The following DIAPH3 variants were observed in gnomAD, a reference collection of about 807,000 sequenced individuals.
DIAPH3 encodes protein diaphanous homolog 3.
A neutral mutation model predicts 144.3 loss-of-function variants in DIAPH3; 117 were observed. The ratio of observed to expected loss-of-function variants is 0.81; its 90% confidence interval spans 0.70 to 0.95. The LOEUF (loss-of-function observed/expected upper bound fraction) is 0.95. DIAPH3 is among the 40% of genes least tolerant of loss of function. The pLI, the probability that DIAPH3 is intolerant of heterozygous loss-of-function variation, is 0.00. For missense variants in DIAPH3, 1,421 were observed against 1,412.7 expected (o/e 1.01, Z -0.09); for synonymous variants, 519 against 488.9 (o/e 1.06, Z -0.81).
At chr13:60,088,041 T>G (rs763259378) in intron 4 of DIAPH3, among the ~76,000 whole-genome samples, 19 of 152,072 alleles carry the variant, frequency 1.2e-4, no homozygotes, top group Non-Finnish European at 2.6e-4. Context: ...GCATTTTATC[T>G]AAACCTAATG....
intron 22 of DIAPH3, among the ~76,000 whole-genome samples, chr13:59,859,205 CTA>C (rs879364034): frequency 4.6e-5 from 7 of 152,062 alleles, no homozygotes; most frequent in African/African-American, 1.4e-4. Context: ...GATGGCTTTT[CTA>C]TGTTAAAGAT....
intron 15 of DIAPH3, among the ~76,000 whole-genome samples, chr13:59,972,504 C>T (rs1178096075): frequency 6.6e-6 from 1 of 151,734 alleles, no homozygotes; most frequent in East Asian, 1.9e-4. Context: ...AAAAATAGAC[C>T]ATGTATAAAA....
rs2032545629 is a variant in DIAPH3 at position 59,674,678 on chromosome 13, C to T, written c.3320-7832G>A. 2.0e-5 allele frequency among the ~76,000 whole-genome samples: 3 copies of T among 152,178 alleles called. No homozygotes were observed. The South Asian group carries it at 6.2e-4, about 32-fold the overall frequency. On this transcript the variant is annotated intron_variant, in intron 27 of 27. Coordinates refer to ENST00000400324, the MANE Select transcript of DIAPH3 (RefSeq NM_001042517.2). ...TGACAACAGAGCTCCAATACCGTAT[C>T]CACCATGGCCTCCCTAAACATTCCT...
At chr13:59,994,205 A>G (rs572471429) in intron 9 of DIAPH3, among the ~76,000 whole-genome samples, 140 of 152,096 alleles carry the variant, frequency 9.2e-4, no homozygotes, top group Non-Finnish European at 1.5e-3. Flanking sequence ...AATTCTAATC[A>G]TAATTTGCCA....
intron 27 of DIAPH3, among the ~76,000 whole-genome samples, chr13:59,732,465 CAG>C (rs1427814021): frequency 2.0e-5 from 3 of 150,286 alleles, no homozygotes; most frequent in East Asian, 2.0e-4. Context: ...TTTTTTGAGA[CAG>C]AGTCTCACTC....
chr13:59,883,528 G>A (rs1319062729), intron 20 of DIAPH3, among the ~76,000 whole-genome samples: 1 of 152,088 alleles, frequency 6.6e-6, no homozygotes. Flanking sequence ...CCTGCTGACT[G>A]GGAAGTTACT....
Position 60,016,153 on chromosome 13 carries a change from A to C in DIAPH3, c.627-8T>G. The C allele has an allele frequency of 6.2e-7, 1 of 1,613,436 alleles. No individual in the cohort carries two copies. Among genetic ancestry groups the C allele is most frequent in the South Asian group, 1.1e-5 (1 of 91,036 alleles). On this transcript the variant is annotated splice_polypyrimidine_tract_variant and splice_region_variant and intron_variant, in intron 5 of 27. Transcript: ENST00000400324. ...CCAAAGCTTTCCACCCAACTGAAAA[A>C]CAGAAAAAAGACAGTTACACATTGT...
At chr13:59,690,476 G>C (rs954877710) in intron 27 of DIAPH3, among the ~76,000 whole-genome samples, 1 of 152,124 alleles carries the variant, frequency 6.6e-6, no homozygotes, top group East Asian at 1.9e-4. Context: ...ATACAGAAGA[G>C]GAATTGTATT....
intron 16 of DIAPH3, 102 bp from the exon 17 acceptor site, chr13:59,970,160 T>C: frequency 1.8e-6 from 1 of 554,356 alleles, no homozygotes; most frequent in Non-Finnish European, 3.1e-6. Context: ...CAGCAGATAT[T>C]TATAAAGTCG....
At chr13:60,070,508 A>C (rs2057162138) in intron 4 of DIAPH3, among the ~76,000 whole-genome samples, 1 of 151,976 alleles carries the variant, frequency 6.6e-6, no homozygotes, top group African/African-American at 2.4e-5. Flanking sequence ...TTTGGAGAAA[A>C]CTGTTCTGCA....
chr13:59,914,011 T>C (rs556245291), intron 19 of DIAPH3, among the ~76,000 whole-genome samples: 1 of 151,908 alleles, frequency 6.6e-6, no homozygotes, highest in African/African-American at 2.4e-5. Flanking sequence ...TACAATGCCC[T>C]GGACATGTTG....
intron 7 of DIAPH3, among the ~76,000 whole-genome samples, chr13:60,012,113 A>G (rs1230051544): frequency 1.3e-5 from 2 of 152,212 alleles, no homozygotes; most frequent in Non-Finnish European, 2.9e-5. Context: ...ACATGTAAGC[A>G]TTGAAGTTGA....
In DIAPH3 at chr13:60,131,594, T is replaced by C. The variant is rs181316892; in HGVS notation, c.213+1363A>G. Among the ~76,000 whole-genome samples the C allele has an allele frequency of 6.6e-5, 10 of 152,160 alleles. No individual in the cohort carries two copies. In the East Asian group the frequency reaches 1.5e-3, roughly 24 times the overall value. ...GAAATGTCCAGAACAGGCAAATCTA[T>C]ACAGTCAGAAAGTAGATTGGTGGTT... On this transcript the variant is annotated intron_variant, in intron 2 of 27. Transcript: ENST00000400324.
At chr13:59,962,816 G>C (rs2049841090) in intron 17 of DIAPH3, among the ~76,000 whole-genome samples, 1 of 151,914 alleles carries the variant, frequency 6.6e-6, no homozygotes, top group Admixed American at 6.6e-5. Flanking sequence ...ACAAGATCTA[G>C]TTGCAAGTCT....
At chr13:59,743,302 A>C (rs2036552770) in intron 27 of DIAPH3, among the ~76,000 whole-genome samples, 1 of 152,194 alleles carries the variant, frequency 6.6e-6, no homozygotes, top group African/African-American at 2.4e-5. Context: ...GCACTCAAAG[A>C]GACGGAAGAC....
chr13:60,091,932 T>A (rs546513746), intron 4 of DIAPH3, among the ~76,000 whole-genome samples: 1 of 152,076 alleles, frequency 6.6e-6, no homozygotes, highest in Admixed American at 6.5e-5. Flanking sequence ...AGCCTCGAAC[T>A]CCTGGGTTCA....
chr13:59,876,227 CTACTTCTGATA>C, intron 21 of DIAPH3, among the ~76,000 whole-genome samples: 1 of 152,122 alleles, frequency 6.6e-6, no homozygotes, highest in Admixed American at 6.5e-5. Context: ...GATCAAGCTG[CTACTTCTGATA>C]ACAAATATGA....
chr13:59,772,541 A>C (rs416570), intron 27 of DIAPH3, among the ~76,000 whole-genome samples: 1 of 151,732 alleles, frequency 6.6e-6, no homozygotes, highest in African/African-American at 2.4e-5. Flanking sequence ...CTCATCTGCT[A>C]TATATATAAT....
chr13:60,037,825 A>G (rs1290234632), intron 5 of DIAPH3, among the ~76,000 whole-genome samples: 1 of 152,084 alleles, frequency 6.6e-6, no homozygotes, highest in African/African-American at 2.4e-5. Flanking sequence ...GACGGGATAA[A>G]AAAATTATTC....
Sources: gnomAD v4.1 joint callset for allele counts (sites outside exome capture counted in the v4.1 genomes callset) on GRCh38, gnomAD v4.1.1 for gene constraint, MANE v1.5 for transcripts, NCBI Gene and HGNC (gene_info 2026-07-23, HGNC 2026-07-21) for gene names.